The following OSBPL10 variants were observed in gnomAD, a reference collection of about 807,000 sequenced individuals.
OSBPL10 encodes oxysterol binding protein like 10.
In OSBPL10, 49 loss-of-function variants were observed where a neutral mutation model predicts 81.7. The observed-to-expected ratio is 0.60, with a 90% CI of 0.48 to 0.76. The LOEUF (loss-of-function observed/expected upper bound fraction) is 0.76, where lower values mean the gene tolerates loss of function less well. Ranked by LOEUF, OSBPL10 falls within the 30% of genes least tolerant of loss-of-function variation. OSBPL10 has a pLI of 0.00. For synonymous variants in OSBPL10, 419 were observed against 383.6 expected (o/e 1.09, Z -1.08); for missense variants, 923 against 987.8 (o/e 0.93, Z 0.88).
chr3:31,708,603 C>T, intron 6 of OSBPL10: 1 of 539,910 alleles, frequency 1.9e-6, no homozygotes, highest in Non-Finnish European at 2.4e-6. Context: ...CACATGACTA[C>T]CAAGTGCAAG....
chr3:32,004,092 A>C (rs974497513), intron 2 of OSBPL10, among the ~76,000 whole-genome samples: 3 of 152,196 alleles, frequency 2.0e-5, no homozygotes, highest in Admixed American at 1.3e-4. Flanking sequence ...AGAATTTTAA[A>C]TTATTGAACT....
intron 5 of OSBPL10, among the ~76,000 whole-genome samples, chr3:31,741,878 G>A (rs1488384166): frequency 3.3e-5 from 5 of 152,174 alleles, no homozygotes; most frequent in Non-Finnish European, 4.4e-5. Context: ...AAAAACGGGA[G>A]TTTCTCTGCA....
chr3:31,661,932 T>G lies in OSBPL10; in HGVS notation c.*140A>C. 1.6e-6 allele frequency: 2 copies of G among 1,267,894 alleles called. No individual in the cohort carries two copies. Among genetic ancestry groups the G allele is most frequent in the Non-Finnish European group, 2.2e-6 (2 of 916,044 alleles). The allele number at this position is 1,267,894 out of a possible 1,614,324, so 78.5% of individuals were successfully genotyped here. On this transcript the variant is annotated 3_prime_UTR_variant, in exon 12 of 12. Coordinates refer to ENST00000396556, the MANE Select transcript of OSBPL10 (RefSeq NM_017784.5). ...GAGTGTGGGGGTGCACTTTTCATAG[T>G]ATATAATTTCTCTCTCTCTCATCAT...
chr3:31,749,534 TTTTTA>T (rs1697648779), intron 4 of OSBPL10, among the ~76,000 whole-genome samples: 1 of 152,196 alleles, frequency 6.6e-6, no homozygotes, highest in African/African-American at 2.4e-5. Flanking sequence ...AAAAGTCACC[TTTTTA>T]GCTGCTTGCA....
intron 1 of OSBPL10, among the ~76,000 whole-genome samples, chr3:32,068,782 C>T (rs1224991226): frequency 1.3e-5 from 2 of 152,074 alleles, no homozygotes; most frequent in Non-Finnish European, 2.9e-5. Flanking sequence ...CCAAAGCCTC[C>T]TTCTTTCCCT....
intron 5 of OSBPL10, among the ~76,000 whole-genome samples, chr3:31,736,775 C>A (rs1697187695): frequency 6.6e-6 from 1 of 152,174 alleles, no homozygotes; most frequent in African/African-American, 2.4e-5. Context: ...TTGTACACGC[C>A]TGTAGTCCCA....
At chr3:31,974,975 T>C (rs1698655281) in intron 1 of OSBPL10, among the ~76,000 whole-genome samples, 1 of 152,148 alleles carries the variant, frequency 6.6e-6, no homozygotes, top group South Asian at 2.1e-4. Context: ...ACATTCACCT[T>C]GGGAAAACAG....
chr3:32,075,938 A>G (rs1451865749), intron 1 of OSBPL10, among the ~76,000 whole-genome samples: 1 of 152,180 alleles, frequency 6.6e-6, no homozygotes, highest in Non-Finnish European at 1.5e-5. Context: ...CTGACTGATC[A>G]ATGTACTTCG....
intron 9 of OSBPL10, among the ~76,000 whole-genome samples, chr3:31,669,952 G>A (rs1700283119): frequency 6.6e-6 from 1 of 152,200 alleles, no homozygotes. Context: ...GATATTAGTG[G>A]CATTCTGGTA....
intron 8 of OSBPL10, among the ~76,000 whole-genome samples, chr3:31,682,479 C>T (rs1196664745): frequency 6.6e-6 from 1 of 152,226 alleles, no homozygotes; most frequent in African/African-American, 2.4e-5. Flanking sequence ...TACCTGTAGG[C>T]CTCTGCCTCA....
chr3:31,906,549 C>T (rs1032511476), intron 1 of OSBPL10, among the ~76,000 whole-genome samples: 10 of 152,160 alleles, frequency 6.6e-5, no homozygotes, highest in African/African-American at 2.4e-4. Context: ...TCTCCATAAC[C>T]AGGGACATTT....
At chr3:31,719,417 A>G (rs1696562406) in intron 6 of OSBPL10, among the ~76,000 whole-genome samples, 1 of 152,244 alleles carries the variant, frequency 6.6e-6, no homozygotes, top group Non-Finnish European at 1.5e-5. Flanking sequence ...AAGACTATGA[A>G]CAAGATGTTA....
intron 4 of OSBPL10, among the ~76,000 whole-genome samples, chr3:31,790,335 C>T (rs1698978630): frequency 6.6e-6 from 1 of 152,186 alleles, no homozygotes; most frequent in Admixed American, 6.5e-5. Context: ...TTCTCCAGGC[C>T]ATTTGGCAAT....
At chr3:31,895,821 A>C (rs1696037784) in intron 1 of OSBPL10, among the ~76,000 whole-genome samples, 1 of 152,222 alleles carries the variant, frequency 6.6e-6, no homozygotes, top group African/African-American at 2.4e-5. Context: ...AGAGCAACAA[A>C]CTATATAAAT....
At chr3:31,908,492 A>T (rs944422747) in intron 1 of OSBPL10, among the ~76,000 whole-genome samples, 6 of 152,196 alleles carry the variant, frequency 3.9e-5, no homozygotes, top group Non-Finnish European at 8.8e-5. Context: ...CTGCAGCCTG[A>T]TAACTTGTTG....
intron 3 of OSBPL10, among the ~76,000 whole-genome samples, chr3:31,859,395 A>T (rs542446642): frequency 7.9e-5 from 12 of 152,344 alleles, no homozygotes; most frequent in Non-Finnish European, 1.8e-4. Context: ...CTCACCCTAC[A>T]TATCTCTTCA....
chr3:31,674,834 C>G (rs568241493), intron 8 of OSBPL10, among the ~76,000 whole-genome samples: 2 of 152,314 alleles, frequency 1.3e-5, no homozygotes, highest in African/African-American at 4.8e-5. Flanking sequence ...TATAGCAACA[C>G]AAATGGACTA....
intron 4 of OSBPL10, among the ~76,000 whole-genome samples, chr3:31,762,008 T>A (rs758205538): frequency 1.3e-5 from 2 of 151,872 alleles, no homozygotes; most frequent in Non-Finnish European, 2.9e-5. Context: ...CAGAAAGCAA[T>A]AGGAGAAGTC....
At chr3:31,961,536 T>TTAATAATGC (rs1324843203) in intron 1 of OSBPL10, among the ~76,000 whole-genome samples, 1 of 152,192 alleles carries the variant, frequency 6.6e-6, no homozygotes, top group African/African-American at 2.4e-5. Context: ...GTTAATAATG[T>TTAATAATGC]TAATAATGCT....
Sources: gnomAD v4.1 joint callset for allele counts (sites outside exome capture counted in the v4.1 genomes callset) on GRCh38, gnomAD v4.1.1 for gene constraint, MANE v1.5 for transcripts, NCBI Gene and HGNC (gene_info 2026-07-23, HGNC 2026-07-21) for gene names.